The following GRB10 variants were observed in gnomAD, a reference collection of about 807,000 sequenced individuals.
GRB10 encodes the protein growth factor receptor bound protein 10.
In GRB10, 20 loss-of-function variants were observed where a neutral mutation model predicts 80.9. The observed-to-expected ratio is 0.25, with a 90% CI of 0.17 to 0.36. The LOEUF (loss-of-function observed/expected upper bound fraction) is 0.36. GRB10 is among the 10% of genes least tolerant of loss of function. The pLI is 1.00. For synonymous variants in GRB10, 291 were observed against 291.5 expected (o/e 1.00, Z 0.02); for missense variants, 548 against 747.7 (o/e 0.73, Z 3.12).
intron 8 of GRB10, among the ~76,000 whole-genome samples, chr7:50,625,410 A>T (rs952590190): frequency 2.6e-5 from 4 of 152,070 alleles, no homozygotes; most frequent in African/African-American, 4.8e-5. Flanking sequence ...TTTTTCATAC[A>T]TATATATACA....
intron 6 of GRB10, among the ~76,000 whole-genome samples, chr7:50,671,163 C>T (rs372168753): frequency 6.6e-6 from 1 of 152,214 alleles, no homozygotes; most frequent in African/African-American, 2.4e-5. Context: ...CCTGAGGCCA[C>T]GCGGCCCTGT....
intron 7 of GRB10, among the ~76,000 whole-genome samples, chr7:50,662,143 G>A (rs2059342507): frequency 6.6e-6 from 1 of 152,210 alleles, no homozygotes; most frequent in African/African-American, 2.4e-5. Context: ...CCATGCCCAG[G>A]TGCCTTGACC....
chr7:50,743,863 A>C (rs559874625), intron 3 of GRB10, among the ~76,000 whole-genome samples: 1 of 152,312 alleles, frequency 6.6e-6, no homozygotes, highest in South Asian at 2.1e-4. Context: ...GATCCAACTG[A>C]TCTGAGACCC....
intron 3 of GRB10, among the ~76,000 whole-genome samples, chr7:50,748,778 C>G (rs2073509311): frequency 6.6e-6 from 1 of 152,210 alleles, no homozygotes. Flanking sequence ...CAATGATATC[C>G]ATCTTGACCA....
chr7:50,652,361 G>A (rs1221520622), intron 7 of GRB10, among the ~76,000 whole-genome samples: 5 of 152,162 alleles, frequency 3.3e-5, no homozygotes, highest in African/African-American at 1.2e-4. Context: ...GTTCTCTTTA[G>A]TCTCTATGGC....
chr7:50,598,923 G>A (rs1459788765), intron 17 of GRB10, among the ~76,000 whole-genome samples: 1 of 151,896 alleles, frequency 6.6e-6, no homozygotes, highest in African/African-American at 2.4e-5. Flanking sequence ...AGGAAGGCCA[G>A]TGGGGCTGGA....
intron 16 of GRB10, 32 bp downstream of exon 16, chr7:50,604,279 T>A (rs2048129039): frequency 6.3e-7 from 1 of 1,578,640 alleles, no homozygotes; most frequent in East Asian, 2.2e-5. Context: ...TTTCTTTATG[T>A]ACAAAAACAT....
At chr7:50,614,544 G>A (rs1398400248) in intron 12 of GRB10, among the ~76,000 whole-genome samples, 1 of 152,172 alleles carries the variant, frequency 6.6e-6, no homozygotes, top group Non-Finnish European at 1.5e-5. Flanking sequence ...GAGCCCACTA[G>A]CCACATTATC....
chr7:50,720,117 C>T (rs2067474575), intron 4 of GRB10, among the ~76,000 whole-genome samples: 1 of 152,216 alleles, frequency 6.6e-6, no homozygotes, highest in Middle Eastern at 3.4e-3. Flanking sequence ...GAAACACTAA[C>T]AAACACATCA....
At chr7:50,614,571 T>C (rs2050183780) in intron 12 of GRB10, among the ~76,000 whole-genome samples, 199 bp downstream of exon 12, 1 of 152,106 alleles carries the variant, frequency 6.6e-6, no homozygotes, top group Non-Finnish European at 1.5e-5. Flanking sequence ...TGTCTGCTTG[T>C]CCTTGAGCTT....
intron 4 of GRB10, among the ~76,000 whole-genome samples, chr7:50,731,728 T>C (rs2069767755): frequency 6.6e-6 from 1 of 152,206 alleles, no homozygotes; most frequent in East Asian, 1.9e-4. Flanking sequence ...GGAACAGAAA[T>C]GAACTTGTTC....
intron 5 of GRB10, among the ~76,000 whole-genome samples, chr7:50,687,050 T>G (rs2062183661): frequency 6.6e-6 from 1 of 152,060 alleles, no homozygotes; most frequent in Non-Finnish European, 1.5e-5. Flanking sequence ...GTTAGTTGAG[T>G]AGGTGGGAAA....
chr7:50,619,594 GA>G (rs1402691406), intron 8 of GRB10, among the ~76,000 whole-genome samples: 4 of 152,150 alleles, frequency 2.6e-5, no homozygotes, highest in African/African-American at 9.7e-5. Context: ...CTTAAATTGA[GA>G]AATTTCAACT....
chr7:50,608,142 T>A (rs181843757), intron 13 of GRB10, among the ~76,000 whole-genome samples: 5 of 152,270 alleles, frequency 3.3e-5, no homozygotes, highest in Non-Finnish European at 7.3e-5. Flanking sequence ...ATTCAGGGTG[T>A]AGGATAAGTA....
intron 8 of GRB10, among the ~76,000 whole-genome samples, chr7:50,624,717 G>A (rs1017922299): frequency 2.6e-5 from 4 of 152,122 alleles, no homozygotes; most frequent in Admixed American, 6.5e-5. Context: ...TAATAAGAAC[G>A]GGACTGGTGG....
chr7:50,605,203 A>T, intron 15 of GRB10, 87 bp downstream of exon 15: 1 of 1,014,958 alleles, frequency 9.9e-7, no homozygotes, highest in Non-Finnish European at 1.5e-6. Flanking sequence ...GCCAACCCGC[A>T]TAGAGCTGTT....
At chr7:50,754,234 C>T (rs2074668739) in intron 3 of GRB10, among the ~76,000 whole-genome samples, 1 of 152,222 alleles carries the variant, frequency 6.6e-6, no homozygotes, top group Non-Finnish European at 1.5e-5. Flanking sequence ...TAGAGCCCTG[C>T]CCTGGGTCTC....
intron 5 of GRB10, among the ~76,000 whole-genome samples, chr7:50,695,557 T>G (rs1160319326): frequency 6.6e-6 from 1 of 152,170 alleles, no homozygotes; most frequent in Admixed American, 6.5e-5. Context: ...GCTAATGAGG[T>G]GTAATGCTAT....
intron 7 of GRB10, among the ~76,000 whole-genome samples, chr7:50,634,954 C>T (rs1257909925): frequency 1.3e-5 from 2 of 152,192 alleles, no homozygotes; most frequent in Non-Finnish European, 2.9e-5. Flanking sequence ...GGCTACAACA[C>T]CCCACTGACA....
Sources: allele counts gnomAD v4.1 joint callset (sites outside exome capture counted in the v4.1 genomes callset), GRCh38; gene constraint gnomAD v4.1.1; transcripts MANE v1.5; gene names NCBI Gene and HGNC (gene_info 2026-07-23, HGNC 2026-07-21).